SPMAP2L: variants seen among roughly 807,000 people sequenced by gnomAD.
The protein encoded by SPMAP2L is sperm microtubule associated protein 2 like, also known as sperm microtubule associated protein 2-like.
At chr4:56,582,120 A>G in the SPMAP2L span, among the ~76,000 whole-genome samples, 1 of 152,210 alleles carries the variant, frequency 6.6e-6, no homozygotes, top group Non-Finnish European at 1.5e-5. Flanking sequence ...ATGGTTTCTT[A>G]GATATGACCT....
At chr4:56,602,821 A>C in the SPMAP2L span, among the ~76,000 whole-genome samples, 3 of 152,168 alleles carry the variant, frequency 2.0e-5, no homozygotes, top group African/African-American at 7.2e-5. Context: ...AACTTCAAAA[A>C]TTTTATTTTC....
At chr4:56,572,039 T>C in the SPMAP2L span, among the ~76,000 whole-genome samples, 1 of 152,182 alleles carries the variant, frequency 6.6e-6, no homozygotes, top group South Asian at 2.1e-4. Context: ...TGTTTTACAG[T>C]TAATTTTTTT....
chr4:56,624,897 G>T, the SPMAP2L span, among the ~76,000 whole-genome samples: 1 of 152,214 alleles, frequency 6.6e-6, no homozygotes, highest in Non-Finnish European at 1.5e-5. Context: ...CTGGGGCACT[G>T]CCTAGTGGAG....
At chr4:56,567,747 A>G in the SPMAP2L span, among the ~76,000 whole-genome samples, 3 of 151,812 alleles carry the variant, frequency 2.0e-5, no homozygotes, top group Non-Finnish European at 2.9e-5. Context: ...TTCTGATGAG[A>G]CTTTGACTGT....
chr4:56,610,373 C>T, the SPMAP2L span, among the ~76,000 whole-genome samples: 1 of 152,128 alleles, frequency 6.6e-6, no homozygotes, highest in Non-Finnish European at 1.5e-5. Flanking sequence ...ACAAGTGGTC[C>T]TGGGATAATT....
the SPMAP2L span, among the ~76,000 whole-genome samples, chr4:56,618,046 G>A: frequency 5.3e-5 from 8 of 152,218 alleles, no homozygotes; most frequent in Admixed American, 2.0e-4. Context: ...CTAGGGTCTC[G>A]GGCTTTTACA....
At chr4:56,618,427 T>C in the SPMAP2L span, among the ~76,000 whole-genome samples, 2,812 of 152,266 alleles carry the variant, frequency 0.018, 97 homozygotes, top group African/African-American at 0.064. Context: ...GACTGAATAA[T>C]TTATGAAGGA....
chr4:56,608,910 C>G, the SPMAP2L span, among the ~76,000 whole-genome samples: 2 of 152,112 alleles, frequency 1.3e-5, no homozygotes, highest in African/African-American at 4.8e-5. Context: ...CATTCTCAAG[C>G]CTTAATATTT....
chr4:56,559,959 G>A, the SPMAP2L span, among the ~76,000 whole-genome samples: 1 of 152,106 alleles, frequency 6.6e-6, no homozygotes, highest in Admixed American at 6.6e-5. Context: ...TGAGAATTAG[G>A]GATTCTATAT....
At chr4:56,533,209 C>T in the SPMAP2L span, among the ~76,000 whole-genome samples, 1 of 152,146 alleles carries the variant, frequency 6.6e-6, no homozygotes, top group African/African-American at 2.4e-5. Flanking sequence ...GATAACTGAC[C>T]TTTAAATCCA....
At chr4:56,548,791 A>G in the SPMAP2L span, 1 of 1,492,086 alleles carries the variant, frequency 6.7e-7, no homozygotes, top group South Asian at 1.3e-5. Context: ...TTCTTTTAGC[A>G]AATCCTGTTT....
the SPMAP2L span, among the ~76,000 whole-genome samples, chr4:56,535,733 C>T: frequency 6.6e-6 from 1 of 152,252 alleles, no homozygotes; most frequent in East Asian, 1.9e-4. Context: ...TTGCACCATC[C>T]CCGGTTCATT....
chr4:56,594,961 G>C, the SPMAP2L span: 2 of 1,610,238 alleles, frequency 1.2e-6, no homozygotes, highest in Non-Finnish European at 1.7e-6. Context: ...CTGGCATGGG[G>C]CCCATTGGCG....
At chr4:56,542,476 T>C in the SPMAP2L span, among the ~76,000 whole-genome samples, 1 of 149,912 alleles carries the variant, frequency 6.7e-6, no homozygotes, top group African/African-American at 2.5e-5. Context: ...TTTAGGAGAG[T>C]GTCTCAACTA....
At chr4:56,594,693 T>C in the SPMAP2L span, 1 of 1,323,554 alleles carries the variant, frequency 7.6e-7, no homozygotes, top group Non-Finnish European at 1.1e-6. Context: ...ATCAATGCAG[T>C]TCACCTCAAG....
the SPMAP2L span, among the ~76,000 whole-genome samples, chr4:56,596,253 A>G: frequency 7.2e-5 from 11 of 152,188 alleles, no homozygotes; most frequent in East Asian, 1.7e-3. Context: ...TAATAAAAGC[A>G]TTTTGATTGG....
At chr4:56,612,083 G>T in the SPMAP2L span, among the ~76,000 whole-genome samples, 1 of 152,296 alleles carries the variant, frequency 6.6e-6, no homozygotes, top group Admixed American at 6.5e-5. Context: ...TGATTTAGGG[G>T]ACACTGTGTG....
chr4:56,606,050 C>G, the SPMAP2L span, among the ~76,000 whole-genome samples: 7 of 152,120 alleles, frequency 4.6e-5, no homozygotes, highest in Non-Finnish European at 1.0e-4. Context: ...TAATCAAGCC[C>G]TTTCCTCGGG....
chr4:56,600,921 GT>G, the SPMAP2L span: 1 of 1,528,234 alleles, frequency 6.5e-7, no homozygotes, highest in Admixed American at 2.0e-5. Context: ...GTGTCTCTTT[GT>G]TTCCACTATA....
Sources: allele counts gnomAD v4.1 joint callset (sites outside exome capture counted in the v4.1 genomes callset), GRCh38; gene constraint gnomAD v4.1.1; transcripts MANE v1.5; gene names NCBI Gene and HGNC (gene_info 2026-07-23, HGNC 2026-07-21).